The following GYS2 variants were observed in gnomAD, a reference collection of about 807,000 sequenced individuals.
GYS2 encodes glycogen [starch] synthase, liver.
Under a neutral mutation model 85.6 loss-of-function variants are expected in GYS2, and 80 were observed. The observed-to-expected ratio is 0.93, with a 90% CI of 0.78 to 1.13. The LOEUF is 1.13. GYS2 is among the 50% of genes most tolerant of loss of function. GYS2 has a pLI of 0.00. For missense variants in GYS2, 881 were observed against 854.9 expected, an observed-to-expected ratio of 1.03 and a Z score of -0.38; for synonymous variants, 328 against 300.7, an observed-to-expected ratio of 1.09 and a Z score of -0.94.
rs566554180 is a variant in GYS2, at chr12:21,563,125, G to C, written c.942-87C>G. ...CATGAATTCTGTTAATGTACAAAGG[G>C]GGCTGGGAAAGATAAACATTTATTA... On this transcript the variant is annotated intron_variant, in intron 6 of 15. Transcript: ENST00000261195. 9.2e-5 allele frequency: 107 copies of C among 1,167,296 alleles called. No individual in the cohort carries two copies. In the African/African-American group the frequency reaches 1.3e-3, roughly 15 times the overall value. 72.3% of individuals were successfully genotyped at this position (1,167,296 alleles called of 1,614,324 possible).
At chr12:21,576,880 C>T (rs1195802879) in intron 2 of GYS2, among the ~76,000 whole-genome samples, 1 of 152,078 alleles carries the variant, frequency 6.6e-6, no homozygotes, top group African/African-American at 2.4e-5. Flanking sequence ...GATATACAAC[C>T]TCATAAACCA....
At chr12:21,560,016 C>T (rs71539427) in intron 8 of GYS2, among the ~76,000 whole-genome samples, 3,197 of 152,102 alleles carry the variant, frequency 0.021, 65 homozygotes, top group Middle Eastern at 0.031. Flanking sequence ...TGTAACAAGA[C>T]GGGAATTCGT....
rs1944232170 is a variant in GYS2 at position 21,559,974 on chromosome 12, G to C, written c.1170-264C>G. On this transcript the variant is annotated intron_variant, in intron 8 of 15. Transcript: ENST00000261195. Reference sequence around the variant, plus strand: ...TTCATGATGATTGGAACAGGATAGAGAGCAGAGAGGGGGAGTAGATGAAGG... The same window carrying C: ...TTCATGATGATTGGAACAGGATAGACAGCAGAGAGGGGGAGTAGATGAAGG... 2.0e-5 allele frequency among the ~76,000 whole-genome samples: 3 copies of C among 152,186 alleles called. No homozygotes were observed. The South Asian group carries it at 6.2e-4, about 31-fold the overall frequency.
At position 21,602,070 on chromosome 12, in the gene GYS2, G is replaced by T. The variant is rs533018009; in HGVS notation, c.121+2402C>A. Among the ~76,000 whole-genome samples, 14 of 151,976 alleles carry T rather than the reference G, an allele frequency of 9.2e-5. 1 individual carries two copies. In the South Asian group the frequency reaches 2.9e-3, roughly 32 times the overall value. ...TTCTTGGATGTGAATACATTTCCTTGTTTGCCAGAAAACATGGTAAGATAA... is the reference window on the plus strand; with the variant it reads ...TTCTTGGATGTGAATACATTTCCTTTTTTGCCAGAAAACATGGTAAGATAA... On this transcript the variant is annotated intron_variant, in intron 1 of 15. Transcript: ENST00000261195.
chr12:21,574,020 G>T (rs1293979270), intron 4 of GYS2, 124 bp downstream of exon 4: 2 of 767,426 alleles, frequency 2.6e-6, no homozygotes, highest in Non-Finnish European at 4.5e-6. Flanking sequence ...CATGAATATT[G>T]ATTAGCTAAA....
At chr12:21,574,384 A>G (rs1300526219) in intron 3 of GYS2, 58 bp from the exon 4 acceptor site, 1 of 1,253,710 alleles carries the variant, frequency 8.0e-7, no homozygotes, top group East Asian at 2.3e-5. Flanking sequence ...GATTGTGCTC[A>G]TGGTCCACAT....
chr12:21,583,358 A>G (rs1199364979), intron 1 of GYS2, among the ~76,000 whole-genome samples: 2 of 152,174 alleles, frequency 1.3e-5, no homozygotes, highest in African/African-American at 4.8e-5. Flanking sequence ...AATAGGCACA[A>G]CGCCTAGTGG....
intron 1 of GYS2, among the ~76,000 whole-genome samples, chr12:21,594,237 A>G (rs539686925): frequency 6.6e-6 from 1 of 152,288 alleles, no homozygotes; most frequent in Admixed American, 6.5e-5. Context: ...ATAATACTGG[A>G]AGTCCTAGCC....
chr12:21,536,428 C>T lies in GYS2; in HGVS notation c.*526G>A, dbSNP rs958934050. The T allele has an allele frequency of 4.3e-5, 7 of 164,200 alleles. No individual in the cohort carries two copies. The highest frequency in any genetic ancestry group is 1.7e-4 in the African/African-American group (7 of 41,490). The allele number at this position is 164,200 out of a possible 1,614,324, so 10.2% of individuals were successfully genotyped here. On this transcript the variant is annotated 3_prime_UTR_variant, in exon 16 of 16. Transcript: ENST00000261195. ...TATGGACTTAGGATAGCTATTCACTCATGGATTTTTGTCTCTGCAAAACTA... is the reference window on the plus strand; with the variant it reads ...TATGGACTTAGGATAGCTATTCACTTATGGATTTTTGTCTCTGCAAAACTA...
At chr12:21,595,294 G>A (rs1944682938) in intron 1 of GYS2, among the ~76,000 whole-genome samples, 1 of 152,192 alleles carries the variant, frequency 6.6e-6, no homozygotes, top group African/African-American at 2.4e-5. Context: ...TCTGAAGGAA[G>A]TAGATTGCTC....
intron 1 of GYS2, among the ~76,000 whole-genome samples, chr12:21,582,616 GATAT>G (rs1298240328): frequency 2.6e-4 from 40 of 151,060 alleles, no homozygotes; most frequent in African/African-American, 9.3e-4. Context: ...TATAGATATA[GATAT>G]AGATATAGAT....
intron 1 of GYS2, among the ~76,000 whole-genome samples, chr12:21,586,457 ATC>A (rs890822385): frequency 6.7e-6 from 1 of 150,230 alleles, no homozygotes; most frequent in Non-Finnish European, 1.5e-5. Flanking sequence ...CTATCTATCT[ATC>A]TATCTCCTAT....
chr12:21,598,996 T>TA (rs1944725178), intron 1 of GYS2, among the ~76,000 whole-genome samples: 1 of 151,966 alleles, frequency 6.6e-6, no homozygotes, highest in Non-Finnish European at 1.5e-5. Context: ...GCCAATTTAC[T>TA]AAAAATCACT....
intron 12 of GYS2, 121 bp downstream of exon 12, chr12:21,546,223 A>T (rs1944037575): frequency 1.4e-6 from 1 of 739,510 alleles, no homozygotes; most frequent in Non-Finnish European, 2.1e-6. Context: ...AAAATTTTTT[A>T]AAACTGAAGA....
At chr12:21,582,281 T>C (rs1944518520) in intron 1 of GYS2, among the ~76,000 whole-genome samples, 1 of 152,128 alleles carries the variant, frequency 6.6e-6, no homozygotes, top group African/African-American at 2.4e-5. Context: ...TTTCAGTCAG[T>C]GGGCTGGGGA....
chr12:21,598,032 G>A (rs189903663), intron 1 of GYS2, among the ~76,000 whole-genome samples: 7 of 152,156 alleles, frequency 4.6e-5, no homozygotes, highest in Admixed American at 1.3e-4. Context: ...ACAGAAACCA[G>A]AGGTAGAGAA....
Position 21,562,402 on chromosome 12 carries a change from G to T in GYS2, c.1062+516C>A, listed in dbSNP as rs556989190. ...CTACTCTGAAGGCCTGCTTCAGTCG[G>T]GAGAGGAGAGTGATGGTCAGAGCTT... On this transcript the variant is annotated intron_variant, in intron 7 of 15. Transcript: ENST00000261195. Among the ~76,000 whole-genome samples the T allele has an allele frequency of 4.7e-4, 71 of 152,192 alleles. No homozygotes were observed. The East Asian group carries it at 9.5e-3, about 20-fold the overall frequency.
chr12:21,602,019 A>T (rs1944761174), intron 1 of GYS2, among the ~76,000 whole-genome samples: 1 of 152,072 alleles, frequency 6.6e-6, no homozygotes, highest in Non-Finnish European at 1.5e-5. Flanking sequence ...GCAGCAAGGG[A>T]TTCTTCTCCT....
chr12:21,546,365 C>T lies in GYS2; in HGVS notation c.1528G>A (p.Glu510Lys), dbSNP rs1944039330. The change falls in exon 12 of 16, where the codon GAA becomes AAA. Residue 510 changes from glutamate to lysine, a missense_variant. Glu to Lys is a moderately conservative substitution (Grantham distance 56). Coordinates refer to ENST00000261195, the MANE Select transcript of GYS2 (RefSeq NM_021957.4). ...ATACCTGGAGTATAACCCCAGGGTT[C>T]ATAGTATGATGGAAATACTCCAAGA... Reference protein sequence around the residue: ...CHLGVFPSYYEPWGYTPAECT... With the variant: ...CHLGVFPSYYKPWGYTPAECT... 5 of 1,603,786 alleles carry T rather than the reference C, an allele frequency of 3.1e-6. No homozygotes were observed. The highest frequency in any genetic ancestry group is 4.3e-6 in the Non-Finnish European group (5 of 1,171,190).
Sources: gnomAD v4.1 joint callset for allele counts (sites outside exome capture counted in the v4.1 genomes callset) on GRCh38, gnomAD v4.1.1 for gene constraint, MANE v1.5 for transcripts, NCBI Gene and HGNC (gene_info 2026-07-23, HGNC 2026-07-21) for gene names.